OTOA: variants seen among roughly 807,000 people sequenced by gnomAD.
OTOA encodes the protein cancer/testis antigen 108.
In OTOA, 70 loss-of-function variants were observed where a neutral mutation model predicts 110.8. That is an observed-to-expected ratio of 0.63 (90% CI 0.52 to 0.77). The LOEUF (loss-of-function observed/expected upper bound fraction) is 0.77. OTOA is among the 30% of genes least tolerant of loss of function. The probability of loss-of-function intolerance (pLI) is 0.00; values close to 1 mark genes in which losing one functional copy is unlikely to be tolerated. For synonymous variants in OTOA, 373 were observed against 431.5 expected (o/e 0.86, Z 1.68); for missense variants, 917 against 1,075.8 (o/e 0.85, Z 2.06).
intron 17 of OTOA, 24 bp downstream of exon 17, chr16:21,719,528 T>C: frequency 6.3e-7 from 1 of 1,598,604 alleles, no homozygotes; most frequent in South Asian, 1.1e-5. Flanking sequence ...ATTTTCCAGC[T>C]TCTAATTCTC....
intron 17 of OTOA, among the ~76,000 whole-genome samples, chr16:21,720,342 C>T (rs1435595699): frequency 6.6e-6 from 1 of 152,178 alleles, no homozygotes; most frequent in East Asian, 1.9e-4. Flanking sequence ...TTACAGACTC[C>T]TGTAATGGAT....
intron 21 of OTOA, among the ~76,000 whole-genome samples, chr16:21,733,531 A>G (rs1899183704): frequency 6.6e-6 from 1 of 151,848 alleles, no homozygotes; most frequent in Non-Finnish European, 1.5e-5. Context: ...GGGGAGCTAC[A>G]TAGGCTGAGA....
At chr16:21,749,605 G>A (rs1379143158) in intron 24 of OTOA, among the ~76,000 whole-genome samples, 1 of 144,114 alleles carries the variant, frequency 6.9e-6, no homozygotes, top group East Asian at 2.2e-4. Flanking sequence ...CCACTTAGGG[G>A]TCTCTCCTTG....
rs914953181 is a variant in OTOA at position 21,730,766 on chromosome 16, G to A, written c.2208-71G>A. ...CAATCTATTCCTGAAAGAAAAGGGT[G>A]CTGGGGGAAAAGGCAACAGATGTCC... On this transcript the variant is annotated intron_variant, in intron 20 of 28. Transcript: ENST00000646100. 7 of 943,932 alleles carry A rather than the reference G, an allele frequency of 7.4e-6. No individual in the cohort carries two copies. In the African/African-American group the frequency reaches 9.6e-5, roughly 13 times the overall value. 58.5% of individuals were successfully genotyped at this position (943,932 alleles called of 1,614,324 possible).
chr16:21,681,544 C>T (rs573892147), intron 5 of OTOA, among the ~76,000 whole-genome samples, 194 bp from the exon 6 acceptor site: 1 of 152,044 alleles, frequency 6.6e-6, no homozygotes, highest in South Asian at 2.1e-4. Context: ...GATCGCGCAA[C>T]AGAGCAAGAC....
At chr16:21,737,004 A>G (rs1899328797) in intron 22 of OTOA, among the ~76,000 whole-genome samples, 2 of 152,412 alleles carry the variant, frequency 1.3e-5, no homozygotes, top group African/African-American at 2.4e-5. Context: ...GGCTGGCTAC[A>G]TTTCACTCCT....
intron 5 of OTOA, among the ~76,000 whole-genome samples, chr16:21,679,974 A>G (rs550914740): frequency 2.3e-4 from 35 of 152,222 alleles, no homozygotes; most frequent in African/African-American, 8.4e-4. Context: ...GCAGGGAACT[A>G]GGTAGTGTGG....
intron 6 of OTOA, 114 bp from the exon 7 acceptor site, chr16:21,685,116 T>TTG: frequency 7.0e-7 from 1 of 1,421,876 alleles, no homozygotes; most frequent in South Asian, 1.2e-5. Context: ...TGCTGGCCAC[T>TTG]AGTTGTGGTC....
chr16:21,700,908 TG>T lies in OTOA; in HGVS notation c.862del (p.Asp288ThrfsTer32). ...ACTAGATTGGGCTGTTTATCAGCTA[TG>T]ACAACGCCACCAAGCAGCTGGACAT... ...PIEIGLFISY[D>X]NATKQLDMVY... On this transcript the variant is annotated frameshift_variant, in exon 11 of 29. Coordinates refer to ENST00000646100, the MANE Select transcript of OTOA (RefSeq NM_144672.4). LOFTEE classifies it high-confidence loss of function. 1 of 1,614,082 alleles carries T rather than the reference TG, an allele frequency of 6.2e-7. No homozygotes were observed. Among genetic ancestry groups the T allele is most frequent in the Non-Finnish European group, 8.5e-7 (1 of 1,180,020 alleles).
intron 8 of OTOA, among the ~76,000 whole-genome samples, chr16:21,688,735 C>A (rs978642770): frequency 2.0e-5 from 3 of 151,984 alleles, no homozygotes; most frequent in Non-Finnish European, 2.9e-5. Context: ...GGGCACTAAT[C>A]CCATTCATGA....
At chr16:21,691,007 T>G (rs1897819153) in intron 8 of OTOA, among the ~76,000 whole-genome samples, 2 of 114,502 alleles carry the variant, frequency 1.7e-5, no homozygotes, top group Non-Finnish European at 3.2e-5. Context: ...GATGTTCCCC[T>G]TGCTGTGCCC....
intron 6 of OTOA, among the ~76,000 whole-genome samples, chr16:21,683,950 G>A (rs962690454): frequency 2.0e-5 from 3 of 151,768 alleles, no homozygotes; most frequent in African/African-American, 7.3e-5. Flanking sequence ...TGTATTTTTA[G>A]TAGAGATGGG....
At chr16:21,695,524 G>A (rs1050290043) in intron 9 of OTOA, among the ~76,000 whole-genome samples, 1 of 151,992 alleles carries the variant, frequency 6.6e-6, no homozygotes, top group African/African-American at 2.4e-5. Flanking sequence ...TATAGGCAAG[G>A]CAAATGTCCA....
intron 8 of OTOA, among the ~76,000 whole-genome samples, chr16:21,689,913 T>A (rs544680037): frequency 7.2e-5 from 11 of 152,256 alleles, no homozygotes; most frequent in African/African-American, 2.6e-4. Flanking sequence ...CTCAAACTCC[T>A]GACCTCAGGT....
intron 1 of OTOA, among the ~76,000 whole-genome samples, chr16:21,676,505 T>G (rs1966858003): frequency 6.6e-6 from 1 of 152,216 alleles, no homozygotes; most frequent in African/African-American, 2.4e-5. Flanking sequence ...TGATTGACCC[T>G]GATGCCCAAT....
chr16:21,669,983 G>A (rs574572495), intron 1 of OTOA, among the ~76,000 whole-genome samples: 4 of 152,112 alleles, frequency 2.6e-5, no homozygotes, highest in Admixed American at 1.3e-4. Flanking sequence ...AAAATTAGCT[G>A]GGTGTGGTGG....
intron 1 of OTOA, among the ~76,000 whole-genome samples, chr16:21,677,642 C>G (rs947156649): frequency 2.0e-5 from 3 of 151,682 alleles, no homozygotes; most frequent in Non-Finnish European, 4.4e-5. Context: ...CCACCACGCC[C>G]GTCTAATTTT....
chr16:21,693,537 G>C (rs1335011147), intron 9 of OTOA, among the ~76,000 whole-genome samples: 1 of 152,138 alleles, frequency 6.6e-6, no homozygotes, highest in African/African-American at 2.4e-5. Flanking sequence ...TAAATAAAGA[G>C]AGAGAGAGAA....
intron 1 of OTOA, among the ~76,000 whole-genome samples, chr16:21,671,007 C>G (rs1473737880): frequency 6.6e-6 from 1 of 152,080 alleles, no homozygotes; most frequent in East Asian, 1.9e-4. Context: ...GAGGGTGATA[C>G]AGCCACTGGA....
Sources: gnomAD v4.1 joint callset for allele counts (sites outside exome capture counted in the v4.1 genomes callset) on GRCh38, gnomAD v4.1.1 for gene constraint, MANE v1.5 for transcripts, NCBI Gene and HGNC (gene_info 2026-07-23, HGNC 2026-07-21) for gene names.